LTBP1: variants seen among roughly 807,000 people sequenced by gnomAD.
The protein encoded by LTBP1 is latent-transforming growth factor beta-binding protein 1.
Under a neutral mutation model 207.6 loss-of-function variants are expected in LTBP1, and 129 were observed. The observed-to-expected ratio is 0.62, with a 90% CI of 0.54 to 0.72. The LOEUF (loss-of-function observed/expected upper bound fraction) is 0.72. LTBP1 is among the 30% of genes least tolerant of loss of function. The pLI is 0.00. For synonymous variants in LTBP1, 963 were observed against 833.7 expected (o/e 1.16, Z -2.67); for missense variants, 2,281 against 2,217.2 (o/e 1.03, Z -0.58).
intron 23 of LTBP1, among the ~76,000 whole-genome samples, chr2:33,312,023 C>G (rs1280530238): frequency 2.6e-5 from 4 of 152,134 alleles, no homozygotes; most frequent in African/African-American, 9.7e-5. Context: ...TATCACCCAC[C>G]ACCTCCTGTT....
chr2:33,313,666 G>A (rs964820544), intron 23 of LTBP1, among the ~76,000 whole-genome samples: 4 of 152,198 alleles, frequency 2.6e-5, no homozygotes, highest in African/African-American at 7.2e-5. Context: ...CTAAGGACAT[G>A]GGATCATTTT....
chr2:33,345,489 A>G (rs1186993722), intron 25 of LTBP1, among the ~76,000 whole-genome samples: 1 of 152,222 alleles, frequency 6.6e-6, no homozygotes, highest in Non-Finnish European at 1.5e-5. Context: ...GGAAAGTACA[A>G]AGTTCCACTG....
chr2:33,245,725 GA>G (rs2092487386), intron 10 of LTBP1, among the ~76,000 whole-genome samples: 1 of 152,198 alleles, frequency 6.6e-6, no homozygotes, highest in Non-Finnish European at 1.5e-5. Context: ...TGAATCACAT[GA>G]ATAAATATGT....
rs553845432 is a variant in LTBP1, at chr2:33,353,979, C to G, written c.4000+6469C>G. ...GGTTCACACCATTCTCCTGCCTCAG[C>G]CTCCCGAGTAGCTGGGACTACAGGC... On this transcript the variant is annotated intron_variant, in intron 26 of 33. Coordinates refer to ENST00000404816, the MANE Select transcript of LTBP1 (RefSeq NM_206943.4). Among the ~76,000 whole-genome samples, 296 of 152,116 alleles carry G rather than the reference C, an allele frequency of 1.9e-3. 1 individual carries two copies. Among genetic ancestry groups the G allele is most frequent in the Non-Finnish European group, 3.6e-3 (244 of 68,012 alleles).
intron 2 of LTBP1, among the ~76,000 whole-genome samples, chr2:32,953,290 C>T (rs1677483314): frequency 6.6e-6 from 1 of 152,180 alleles, no homozygotes; most frequent in South Asian, 2.1e-4. Context: ...TCAGGCTGTC[C>T]CCCATCCCTC....
intron 4 of LTBP1, among the ~76,000 whole-genome samples, chr2:33,125,364 G>A (rs768543757): frequency 5.9e-5 from 9 of 152,148 alleles, no homozygotes; most frequent in Non-Finnish European, 1.2e-4. Context: ...CAGCCTAGTA[G>A]GCACTCAGTC....
chr2:33,397,133 G>A lies in LTBP1; in HGVS notation c.4835G>A (p.Arg1612His), dbSNP rs2150785677. Residue 1612 changes from arginine (R) to histidine (H), a missense_variant and splice_region_variant, in exon 33 of 34, where the codon CGT (arginine) becomes CAT (histidine). Arg to His is a conservative substitution (Grantham distance 29). Coordinates refer to ENST00000404816, the MANE Select transcript of LTBP1 (RefSeq NM_206943.4). ...TTAGCTTCTGCCCTTTCCTTTCCAG[G>A]TTTTCTAAATAGCTTTGAGGAGTTA... The part of the protein sequence containing the change: ...PEADPYFIQD[R>H]FLNSFEELQA... The A allele has an allele frequency of 6.2e-7, 1 of 1,613,224 alleles. No individual in the cohort carries two copies. The highest frequency in any genetic ancestry group is 1.1e-5 in the South Asian group (1 of 90,928).
intron 15 of LTBP1, among the ~76,000 whole-genome samples, chr2:33,264,717 C>A (rs1404165635): frequency 6.6e-6 from 1 of 152,120 alleles, no homozygotes; most frequent in African/African-American, 2.4e-5. Context: ...AAAACCCAAT[C>A]AAATTTTTTT....
At chr2:33,308,951 C>G (rs1382157799) in intron 22 of LTBP1, among the ~76,000 whole-genome samples, 2 of 152,164 alleles carry the variant, frequency 1.3e-5, no homozygotes, top group South Asian at 2.1e-4. Context: ...AGAATTTTGA[C>G]TTTTCCTCTT....
At chr2:33,261,207 G>A (rs1051114230) in intron 13 of LTBP1, among the ~76,000 whole-genome samples, 1 of 152,124 alleles carries the variant, frequency 6.6e-6, no homozygotes, top group Non-Finnish European at 1.5e-5. Context: ...ATGTAGAAGT[G>A]GTGTAGATTA....
intron 23 of LTBP1, among the ~76,000 whole-genome samples, chr2:33,314,937 T>C (rs2094244426): frequency 6.6e-6 from 1 of 152,236 alleles, no homozygotes; most frequent in African/African-American, 2.4e-5. Context: ...AAAATGATTG[T>C]ACATTGGCTA....
At chr2:33,088,410 C>T (rs1246740916) in intron 3 of LTBP1, among the ~76,000 whole-genome samples, 1 of 152,046 alleles carries the variant, frequency 6.6e-6, no homozygotes, top group Non-Finnish European at 1.5e-5. Flanking sequence ...CGAGATCATG[C>T]CACTGCACTT....
chr2:33,301,424 C>T lies in LTBP1; in HGVS notation c.3359-98C>T, dbSNP rs2093987125. ...ACATGATGGTCATTACTTGTATCAA[C>T]ATTGTCTTTCTAGAATTTACACTGA... On this transcript the variant is annotated intron_variant, in intron 21 of 33. Coordinates refer to ENST00000404816, the MANE Select transcript of LTBP1 (RefSeq NM_206943.4). The T allele has an allele frequency of 4.4e-6, 6 of 1,366,040 alleles. No homozygotes were observed. The East Asian group carries it at 9.6e-5, about 22-fold the overall frequency. The allele number at this position is 1,366,040 out of a possible 1,614,324, so 84.6% of individuals were successfully genotyped here.
intron 31 of LTBP1, among the ~76,000 whole-genome samples, chr2:33,387,306 A>T (rs1390480041): frequency 1.3e-5 from 2 of 152,258 alleles, no homozygotes; most frequent in East Asian, 1.9e-4. Flanking sequence ...TCTCGCAAAG[A>T]AATCCTTAAT....
chr2:33,322,179 A>C (rs1213843154), intron 24 of LTBP1, among the ~76,000 whole-genome samples: 1 of 151,012 alleles, frequency 6.6e-6, no homozygotes, highest in Admixed American at 6.6e-5. Context: ...CCCCAGAGCT[A>C]TGGAAATCAT....
chr2:33,043,657 G>A (rs1275308418), intron 3 of LTBP1, among the ~76,000 whole-genome samples: 3 of 152,114 alleles, frequency 2.0e-5, no homozygotes, highest in Non-Finnish European at 2.9e-5. Flanking sequence ...ATTGCTCAGA[G>A]GAGGAGGAAG....
At chr2:33,116,943 C>T (rs1174443743) in intron 4 of LTBP1, among the ~76,000 whole-genome samples, 2 of 152,198 alleles carry the variant, frequency 1.3e-5, no homozygotes, top group East Asian at 3.8e-4. Flanking sequence ...TAATTCCCAC[C>T]TGCAGTGGCA....
rs749011494 is a variant in LTBP1 at position 33,365,297 on chromosome 2, T to C, written c.4541-36T>C. ...CACAGTGTTTATAAATAGGAATAAC[T>C]GTGCGATTTTCATGGAACTATGTCT... is the stretch of plus-strand genomic sequence containing the variant. On this transcript the variant is annotated intron_variant, in intron 30 of 33. Transcript: ENST00000404816. The C allele has an allele frequency of 5.0e-6, 8 of 1,590,454 alleles. No homozygotes were observed. In the East Asian group the frequency reaches 1.3e-4, roughly 27 times the overall value.
intron 3 of LTBP1, among the ~76,000 whole-genome samples, chr2:33,103,190 C>G (rs1033879981): frequency 1.3e-5 from 2 of 151,724 alleles, no homozygotes; most frequent in African/African-American, 4.8e-5. Context: ...GCTGTATGCA[C>G]TGTCTGTATG....
Sources: allele counts gnomAD v4.1 joint callset (sites outside exome capture counted in the v4.1 genomes callset), GRCh38; gene constraint gnomAD v4.1.1; transcripts MANE v1.5; gene names NCBI Gene and HGNC (gene_info 2026-07-23, HGNC 2026-07-21).